The following IQSEC1 variants were observed in gnomAD, a reference collection of about 807,000 sequenced individuals.
The protein encoded by IQSEC1 is IQ motif and Sec7 domain ArfGEF 1.
A neutral mutation model predicts 91.0 loss-of-function variants in IQSEC1; 31 were observed. The observed-to-expected ratio is 0.34, with a 90% CI of 0.26 to 0.46. The LOEUF (loss-of-function observed/expected upper bound fraction) is 0.46. IQSEC1 is among the 20% of genes least tolerant of loss of function. The pLI, the probability that IQSEC1 is intolerant of heterozygous loss-of-function variation, is 1.00. For synonymous variants in IQSEC1, 699 were observed against 662.6 expected (o/e 1.05, Z -0.84); for missense variants, 1,388 against 1,575.6 (o/e 0.88, Z 2.02).
chr3:13,142,825 G>A (rs1234062205), intron 2 of IQSEC1, among the ~76,000 whole-genome samples: 1 of 152,200 alleles, frequency 6.6e-6, no homozygotes, highest in Non-Finnish European at 1.5e-5. Context: ...GGCAAAGGCT[G>A]CATGGCCCAC....
chr3:13,004,404 C>T (rs867763923), intron 1 of IQSEC1, among the ~76,000 whole-genome samples: 4 of 152,108 alleles, frequency 2.6e-5, no homozygotes, highest in Non-Finnish European at 5.9e-5. Context: ...GCCGGGGGAG[C>T]GCTCTGCAGG....
At chr3:13,069,621 T>C (rs1449731001) in intron 1 of IQSEC1, among the ~76,000 whole-genome samples, 1 of 152,146 alleles carries the variant, frequency 6.6e-6, no homozygotes, top group African/African-American at 2.4e-5. Flanking sequence ...GAATGAATGA[T>C]TGAACAGGCA....
At chr3:13,092,409 C>A (rs1018620133) in intron 2 of IQSEC1, among the ~76,000 whole-genome samples, 1 of 152,118 alleles carries the variant, frequency 6.6e-6, no homozygotes, top group African/African-American at 2.4e-5. Flanking sequence ...CCACGGACGT[C>A]CCAGAACGCT....
At chr3:12,950,277 C>T (rs149789363) in intron 1 of IQSEC1, among the ~76,000 whole-genome samples, 215 of 152,312 alleles carry the variant, frequency 1.4e-3, no homozygotes, top group African/African-American at 4.9e-3. Context: ...GGAATGTTCT[C>T]GGGACTGCAG....
At position 12,983,902 on chromosome 3, in the gene IQSEC1, C is replaced by G. The variant is rs1028630135; in HGVS notation, c.24-42037G>C. ...ATGTCCCTGTCCCCAAATCCACATG[C>G]CTTTAAAAATAAAGCACCTACCTTC... On this transcript the variant is annotated intron_variant, in intron 1 of 13. Transcript: ENST00000613206. The surrounding 1 kb of genome is among the most constrained non-coding windows in gnomAD (Gnocchi z 4.3). 3.3e-5 allele frequency among the ~76,000 whole-genome samples: 5 copies of G among 152,160 alleles called. No homozygotes were observed. Among genetic ancestry groups the G allele is most frequent in the African/African-American group, 1.2e-4 (5 of 41,438 alleles).
chr3:12,936,088 G>A lies in IQSEC1; in HGVS notation c.928C>T (p.Arg310Trp), dbSNP rs764778594. The stretch of plus-strand genomic sequence containing the variant: ...AGGTCCGACTCGGTGCTGGACGGCC[G>A]GTCCCCTGCCTGCGAGAGGGGCAGA... ...PPLPLSQAGD[R>W]PSSTESDLRL... The change falls in exon 3 of 14, where the codon CGG (arginine) becomes TGG (tryptophan). Residue 310 changes from arginine to tryptophan, a missense_variant. Arg to Trp is a moderately radical substitution (Grantham distance 101). This residue lies in a region of IQSEC1 where 1,059 missense variants were observed against 1,317.8 expected (regional missense o/e 0.80). Transcript: ENST00000613206. 1.4e-5 allele frequency: 23 copies of A among 1,609,966 alleles called. No homozygotes were observed. In the Admixed American group the frequency reaches 1.8e-4, roughly 13 times the overall value.
At chr3:13,255,893 C>A (rs1695277065) in intron 1 of IQSEC1, among the ~76,000 whole-genome samples, 1 of 152,202 alleles carries the variant, frequency 6.6e-6, no homozygotes, top group Admixed American at 6.5e-5. Flanking sequence ...AGAGGCAATT[C>A]AAACGCAGGC....
chr3:12,900,422 G>A lies in IQSEC1; in HGVS notation c.*561C>T, dbSNP rs1049476481. Reference sequence around the variant, plus strand: ...ATTGCTAATGTGGACTGAAACGCCTGCCTTTCACACACAAGTACTACCTAT... The same window carrying A: ...ATTGCTAATGTGGACTGAAACGCCTACCTTTCACACACAAGTACTACCTAT... On this transcript the variant is annotated 3_prime_UTR_variant, in exon 14 of 14. Transcript: ENST00000613206. 2.7e-5 allele frequency: 26 copies of A among 978,600 alleles called. No homozygotes were observed. The highest frequency in any genetic ancestry group is 6.2e-5 in the Admixed American group (1 of 16,012). The allele number at this position is 978,600 out of a possible 1,614,324, so 60.6% of individuals were successfully genotyped here.
intron 1 of IQSEC1, among the ~76,000 whole-genome samples, chr3:13,250,277 G>A (rs953550837): frequency 3.9e-5 from 6 of 152,148 alleles, no homozygotes; most frequent in African/African-American, 7.2e-5. Context: ...GAGGCTCAGC[G>A]GCACACACAG....
intron 1 of IQSEC1, among the ~76,000 whole-genome samples, chr3:13,243,298 G>A (rs567227545): frequency 9.9e-5 from 15 of 152,224 alleles, no homozygotes; most frequent in African/African-American, 3.1e-4. Flanking sequence ...GGAGAGGATC[G>A]TCTGTCTGTA....
At chr3:13,274,735 G>A (rs1695647851) in intron 1 of IQSEC1, among the ~76,000 whole-genome samples, 2 of 151,992 alleles carry the variant, frequency 1.3e-5, no homozygotes, top group Non-Finnish European at 2.9e-5. Context: ...GCTGCTGGGT[G>A]TGCTGCATGG....
chr3:12,989,902 C>T (rs1701910541), intron 1 of IQSEC1, among the ~76,000 whole-genome samples: 1 of 152,156 alleles, frequency 6.6e-6, no homozygotes, highest in Admixed American at 6.5e-5. Flanking sequence ...GGCTCTCTGA[C>T]CTAAAGGCCT....
At chr3:12,985,608 G>A (rs1701692148) in intron 1 of IQSEC1, among the ~76,000 whole-genome samples, 1 of 152,186 alleles carries the variant, frequency 6.6e-6, no homozygotes, top group Non-Finnish European at 1.5e-5. Flanking sequence ...GAGGGAGGCA[G>A]CAGCCTGGGT....
intron 1 of IQSEC1, among the ~76,000 whole-genome samples, chr3:12,980,308 C>T (rs534439937): frequency 2.0e-5 from 3 of 152,340 alleles, no homozygotes; most frequent in Admixed American, 6.5e-5. Context: ...CTAGGAGCCC[C>T]TGAGCCAAGT....
intron 1 of IQSEC1, among the ~76,000 whole-genome samples, chr3:13,179,799 GC>G (rs1693804472): frequency 6.6e-6 from 1 of 152,166 alleles, no homozygotes; most frequent in South Asian, 2.1e-4. Context: ...GTGCTTGCGG[GC>G]CAGCGCGAGT....
intron 1 of IQSEC1, among the ~76,000 whole-genome samples, chr3:13,246,965 G>A (rs1017555773): frequency 2.0e-5 from 3 of 152,162 alleles, no homozygotes; most frequent in East Asian, 1.9e-4. Flanking sequence ...CCCCTGGAAC[G>A]CTGGCCTGTT....
intron 1 of IQSEC1, among the ~76,000 whole-genome samples, chr3:12,952,666 C>T (rs528775297): frequency 1.6e-4 from 25 of 152,358 alleles, no homozygotes; most frequent in African/African-American, 5.3e-4. Context: ...GCCACTCCAG[C>T]CCAGCCCCCT....
At chr3:13,264,295 A>G (rs1695445340) in intron 1 of IQSEC1, among the ~76,000 whole-genome samples, 1 of 152,142 alleles carries the variant, frequency 6.6e-6, no homozygotes, top group South Asian at 2.1e-4. Flanking sequence ...CCGACTCACT[A>G]GGCCCTGACC....
intron 2 of IQSEC1, among the ~76,000 whole-genome samples, chr3:13,095,451 C>T (rs1169647503): frequency 6.6e-6 from 1 of 152,106 alleles, no homozygotes; most frequent in Non-Finnish European, 1.5e-5. Context: ...ACAGCAGCAC[C>T]GGGGGCTGAT....
Sources: allele counts gnomAD v4.1 joint callset (sites outside exome capture counted in the v4.1 genomes callset), GRCh38; gene constraint gnomAD v4.1.1; regional missense constraint gnomAD v4.1.1; non-coding constraint Gnocchi (gnomAD v3.1); transcripts MANE v1.5; gene names NCBI Gene and HGNC (gene_info 2026-07-23, HGNC 2026-07-21).